TFB1M: variants seen among roughly 807,000 people sequenced by gnomAD.
TFB1M encodes the protein dimethyladenosine transferase 1, mitochondrial.
A neutral mutation model predicts 31.1 loss-of-function variants in TFB1M; 27 were observed. The observed-to-expected ratio is 0.87, with a 90% CI of 0.64 to 1.20. The LOEUF (loss-of-function observed/expected upper bound fraction) is 1.20, where lower values mean the gene tolerates loss of function less well. TFB1M is among the 50% of genes most tolerant of loss of function. The pLI is 0.00. For synonymous variants in TFB1M, 166 were observed against 151.8 expected (o/e 1.09, Z -0.69); for missense variants, 394 against 418.7 (o/e 0.94, Z 0.51).
intron 3 of TFB1M, among the ~76,000 whole-genome samples, chr6:155,297,544 G>T (rs1168146443): frequency 6.6e-6 from 1 of 152,144 alleles, no homozygotes; most frequent in African/African-American, 2.4e-5. Flanking sequence ...CATAGGAATG[G>T]AGTAATCTGG....
chr6:155,233,418 ACT>A, the TFB1M span, among the ~76,000 whole-genome samples: 1 of 151,912 alleles, frequency 6.6e-6, no homozygotes, highest in African/African-American at 2.4e-5. Context: ...TTTGACAAAG[ACT>A]CTGTCCTTCA....
chr6:155,260,340 T>G lies in TFB1M; in HGVS notation c.727A>C (p.Lys243Gln). ...TTCTGAACCACTTTTTCCACCAGCT[T>G]GAATGGCTGCTCTATCTTGGGCTGT... ...LIQPKIEQPF[K>Q]LVEKVVQNVF... The change falls in exon 6 of 7, where the codon AAG becomes CAG. Residue 243 changes from lysine to glutamine, a missense_variant. Lys to Gln is a moderately conservative substitution (Grantham distance 53, BLOSUM62 1). Coordinates refer to ENST00000367166, the MANE Select transcript of TFB1M (RefSeq NM_016020.4). 6.2e-7 allele frequency: 1 copy of G among 1,614,242 alleles called. No homozygotes were observed. The highest frequency in any genetic ancestry group is 8.5e-7 in the Non-Finnish European group (1 of 1,180,040).
the TFB1M span, among the ~76,000 whole-genome samples, chr6:155,234,538 G>A: frequency 2.0e-5 from 3 of 152,348 alleles, no homozygotes; most frequent in African/African-American, 7.2e-5. Context: ...GAGTAGCTGG[G>A]ACCATAGGCG....
chr6:155,257,190 C>CAAA lies in TFB1M; in HGVS notation c.*643_*645dup, dbSNP rs11455127. The CAAA allele has an allele frequency of 3.4e-3, 1,831 of 546,444 alleles. 19 individuals are homozygous for CAAA. The highest frequency in any genetic ancestry group is 3.5e-3 in the Non-Finnish European group (1,270 of 360,440). 33.8% of individuals were successfully genotyped at this position (546,444 alleles called of 1,614,324 possible). A position where few individuals can be genotyped will look rare whatever the true frequency, so the allele number is the denominator to read the frequency against. ...TAAACTGGTGGTAAAGTGGAAATTG[C>CAAA]AAAAAAAAAAAAAAAAAAAAACTGT... On this transcript the variant is annotated 3_prime_UTR_variant, in exon 7 of 7. Coordinates refer to ENST00000367166, the MANE Select transcript of TFB1M (RefSeq NM_016020.4).
chr6:155,273,442 A>G (rs1312617344), intron 5 of TFB1M, among the ~76,000 whole-genome samples: 37 of 152,262 alleles, frequency 2.4e-4, no homozygotes, highest in Non-Finnish European at 1.5e-5. Flanking sequence ...TACTTTAAAT[A>G]TAGGCAATGG....
chr6:155,278,403 C>T (rs76910093), intron 5 of TFB1M, among the ~76,000 whole-genome samples: 8,864 of 152,310 alleles, frequency 0.058, 286 homozygotes, highest in Middle Eastern at 0.075. Context: ...TGTGTAAAAA[C>T]GCTCTATTTA....
intron 4 of TFB1M, among the ~76,000 whole-genome samples, chr6:155,291,352 T>C (rs980315737): frequency 6.6e-6 from 1 of 152,174 alleles, no homozygotes; most frequent in Admixed American, 6.5e-5. Context: ...ATGGTTTCTG[T>C]CAGAACCAAC....
At chr6:155,302,705 G>C (rs1777484568) in intron 2 of TFB1M, among the ~76,000 whole-genome samples, 2 of 152,070 alleles carry the variant, frequency 1.3e-5, no homozygotes, top group Admixed American at 6.5e-5. Flanking sequence ...AAGTTTGTTG[G>C]ATATTTCAAT....
chr6:155,240,427 G>A, the TFB1M span: 2 of 1,282,132 alleles, frequency 1.6e-6, no homozygotes, highest in Non-Finnish European at 2.1e-6. Context: ...GCCCCTCTGA[G>A]ATCCCTGCTG....
chr6:155,313,921 T>G (rs1196388115), intron 1 of TFB1M, among the ~76,000 whole-genome samples: 1 of 152,254 alleles, frequency 6.6e-6, no homozygotes, highest in African/African-American at 2.4e-5. Context: ...AACTTTAAAC[T>G]GCATGTAAAG....
chr6:155,277,902 T>C (rs529931149), intron 5 of TFB1M, among the ~76,000 whole-genome samples: 8 of 152,348 alleles, frequency 5.3e-5, no homozygotes, highest in Non-Finnish European at 1.0e-4. Flanking sequence ...TGGGTTTACA[T>C]AGTCTATGTA....
chr6:155,253,391 G>A, downstream of TFB1M: 1 of 260,576 alleles, frequency 3.8e-6, no homozygotes, highest in Non-Finnish European at 7.3e-6. Context: ...GAATATAGCA[G>A]AAAATTCCTT....
intron 6 of TFB1M, among the ~76,000 whole-genome samples, chr6:155,259,207 A>G (rs6924549): frequency 0.66 from 99,838 of 152,146 alleles, 33,534 homozygotes; most frequent in East Asian, 0.98. Flanking sequence ...AGTGTGAGCC[A>G]AAATCCAGCT....
In TFB1M at chr6:155,257,580, A is replaced by AGAT; in HGVS notation, c.*253_*255dup. On this transcript the variant is annotated 3_prime_UTR_variant, in exon 7 of 7. Transcript: ENST00000367166. ...AATGTGCAGATACTTCATTTTTGTA[A>AGAT]GATAGATTGTAATAGATGCTGTTTA... 4 of 39,662 alleles carry AGAT rather than the reference A, an allele frequency of 1.0e-4. No individual in the cohort carries two copies. Among genetic ancestry groups the AGAT allele is most frequent in the South Asian group, 7.8e-4 (2 of 2,568 alleles). 2.5% of individuals were successfully genotyped at this position (39,662 alleles called of 1,614,324 possible).
intron 5 of TFB1M, among the ~76,000 whole-genome samples, chr6:155,267,259 G>A (rs1784696050): frequency 6.6e-6 from 1 of 152,222 alleles, no homozygotes; most frequent in Non-Finnish European, 1.5e-5. Flanking sequence ...ATGGGCATGA[G>A]CCACCACACC....
At chr6:155,272,245 C>T (rs974959437) in intron 5 of TFB1M, among the ~76,000 whole-genome samples, 2 of 152,126 alleles carry the variant, frequency 1.3e-5, no homozygotes, top group Non-Finnish European at 2.9e-5. Flanking sequence ...AAGAATAGGT[C>T]TTTCGGTATT....
intron 2 of TFB1M, among the ~76,000 whole-genome samples, chr6:155,305,536 T>TA (rs1777682214): frequency 1.8e-5 from 1 of 56,088 alleles, no homozygotes; most frequent in Non-Finnish European, 2.8e-5. Flanking sequence ...AAATTATATA[T>TA]TTATATATAT....
chr6:155,303,504 G>T lies in TFB1M; in HGVS notation c.286-4919C>A, dbSNP rs1040429480. ...TATGGACTAAAAAGTCACTTTGGCTGTAAGCCACTTTTTGCTTACTTGTTG... is the reference window on the plus strand; with the variant it reads ...TATGGACTAAAAAGTCACTTTGGCTTTAAGCCACTTTTTGCTTACTTGTTG... On this transcript the variant is annotated intron_variant, in intron 2 of 6. Transcript: ENST00000367166. 64 of 152,210 alleles carry T rather than the reference G, an allele frequency of 4.2e-4. 4 individuals carry two copies. Among genetic ancestry groups the T allele is most frequent in the Non-Finnish European group, 2.9e-5 (2 of 68,032 alleles). 9.4% of individuals were successfully genotyped at this position (152,210 alleles called of 1,614,324 possible). A position where few individuals can be genotyped will look rare whatever the true frequency, so the allele number is the denominator to read the frequency against.
intron 4 of TFB1M, 124 bp downstream of exon 4, chr6:155,296,829 G>T: frequency 1.1e-6 from 1 of 917,356 alleles, no homozygotes; most frequent in Non-Finnish European, 1.7e-6. Flanking sequence ...AGCTGCTGCT[G>T]GGTTCTTGTG....
Sources: allele counts gnomAD v4.1 joint callset (sites outside exome capture counted in the v4.1 genomes callset), GRCh38; gene constraint gnomAD v4.1.1; transcripts MANE v1.5; gene names NCBI Gene and HGNC (gene_info 2026-07-23, HGNC 2026-07-21).